The following ORC5 variants were observed in gnomAD, a reference collection of about 807,000 sequenced individuals.
ORC5 encodes the protein protein phosphatase 1, regulatory subunit 117.
ORC5 carries 39 observed loss-of-function variants against 58.8 expected under a neutral mutation model. The observed-to-expected ratio is 0.66, with a 90% CI of 0.51 to 0.87. ORC5 has a LOEUF of 0.87. ORC5 is among the 40% of genes least tolerant of loss of function. The pLI is 0.00. For synonymous variants in ORC5, 218 were observed against 177.6 expected, an observed-to-expected ratio of 1.23 and a Z score of -1.81; for missense variants, 493 against 506.3, an observed-to-expected ratio of 0.97 and a Z score of 0.25.
chr7:104,207,963 C>T lies in ORC5; in HGVS notation c.-59G>A, dbSNP rs892112729. The T allele has an allele frequency of 7.9e-6, 12 of 1,521,096 alleles. No individual in the cohort carries two copies. The highest frequency in any genetic ancestry group is 1.1e-5 in the Non-Finnish European group (12 of 1,097,800). The allele number at this position is 1,521,096 out of a possible 1,614,324, so 94.2% of individuals were successfully genotyped here. ...CAGCCCACAGGACCCTTGCACAAGA[C>T]GGAGCCTCTCCCGAGTCTGGCGGCC... On this transcript the variant is annotated 5_prime_UTR_variant, in exon 1 of 14. Transcript: ENST00000297431.
chr7:104,143,381 A>G (rs1798705593), intron 12 of ORC5, among the ~76,000 whole-genome samples: 1 of 152,208 alleles, frequency 6.6e-6, no homozygotes, highest in African/African-American at 2.4e-5. Context: ...ATATTTTCAG[A>G]TGCCTTACAG....
At chr7:104,131,473 T>TTCCTA (rs1372269002) in intron 13 of ORC5, among the ~76,000 whole-genome samples, 14 of 152,202 alleles carry the variant, frequency 9.2e-5, no homozygotes, top group African/African-American at 3.4e-4. Flanking sequence ...TATCTGTTCT[T>TTCCTA]TCCTATCAGC....
At chr7:104,154,826 C>G (rs2115825632) in intron 12 of ORC5, among the ~76,000 whole-genome samples, 1 of 151,888 alleles carries the variant, frequency 6.6e-6, no homozygotes, top group South Asian at 2.1e-4. Context: ...TATAAATTTA[C>G]CACATATCTA....
intron 11 of ORC5, among the ~76,000 whole-genome samples, chr7:104,163,992 T>G (rs1799066486): frequency 6.6e-6 from 1 of 152,230 alleles, no homozygotes; most frequent in South Asian, 2.1e-4. Flanking sequence ...GTTTTAACTT[T>G]TTCTCTCATT....
intron 3 of ORC5, among the ~76,000 whole-genome samples, chr7:104,198,907 C>G (rs1427874607): frequency 6.6e-6 from 1 of 152,208 alleles, no homozygotes; most frequent in Non-Finnish European, 1.5e-5. Context: ...GTCCTGCATC[C>G]CCACTCATGG....
chr7:104,166,104 T>C (rs769774418), intron 10 of ORC5, among the ~76,000 whole-genome samples: 13 of 152,076 alleles, frequency 8.5e-5, no homozygotes, highest in Non-Finnish European at 1.8e-4. Context: ...ATATAAATTG[T>C]TGTAAGTCCA....
chr7:104,184,249 C>G, intron 6 of ORC5, 78 bp from the exon 7 acceptor site: 2 of 938,420 alleles, frequency 2.1e-6, no homozygotes, highest in Non-Finnish European at 3.2e-6. Context: ...CAAGTAAAAT[C>G]TGTATTGCAG....
intron 12 of ORC5, among the ~76,000 whole-genome samples, chr7:104,143,253 G>T (rs961729060): frequency 4.6e-5 from 7 of 151,606 alleles, no homozygotes; most frequent in African/African-American, 1.7e-4. Flanking sequence ...CTGTTAATTC[G>T]AACACTCACA....
At chr7:104,145,701 A>G (rs753206849) in intron 12 of ORC5, among the ~76,000 whole-genome samples, 31 of 152,152 alleles carry the variant, frequency 2.0e-4, no homozygotes, top group Non-Finnish European at 2.9e-4. Context: ...GAGGCGACCA[A>G]AAGAGGACTC....
At chr7:104,145,696 G>A (rs1036403941) in intron 12 of ORC5, among the ~76,000 whole-genome samples, 3 of 152,024 alleles carry the variant, frequency 2.0e-5, no homozygotes, top group Non-Finnish European at 2.9e-5. Context: ...TATAAGAGGC[G>A]ACCAAAAGAG....
At chr7:104,175,682 CTCTG>C (rs1407536206) in intron 8 of ORC5, among the ~76,000 whole-genome samples, 7 of 152,174 alleles carry the variant, frequency 4.6e-5, no homozygotes, top group African/African-American at 1.4e-4. Flanking sequence ...TATAACATTT[CTCTG>C]TCTGGCATAA....
intron 8 of ORC5, among the ~76,000 whole-genome samples, chr7:104,180,359 GTTT>G (rs956478117): frequency 1.3e-5 from 2 of 152,042 alleles, no homozygotes; most frequent in Non-Finnish European, 2.9e-5. Flanking sequence ...TTTCTTACTA[GTTT>G]TTTATTTTTT....
intron 12 of ORC5, among the ~76,000 whole-genome samples, chr7:104,152,346 G>T (rs556947927): frequency 6.6e-6 from 1 of 152,154 alleles, no homozygotes; most frequent in African/African-American, 2.4e-5. Flanking sequence ...GTCTCACTAT[G>T]TTGCCCAGGC....
chr7:104,127,490 G>C lies in ORC5; in HGVS notation c.1263-597C>G, dbSNP rs973115897. Reference sequence around the variant, plus strand: ...CAGGCAGAATAAAATAGCAGAGAGAGAGACATATAATTATTCTCCTTTCAC... The same window carrying C: ...CAGGCAGAATAAAATAGCAGAGAGACAGACATATAATTATTCTCCTTTCAC... On this transcript the variant is annotated intron_variant, in intron 13 of 13. Transcript: ENST00000297431. 2.6e-5 allele frequency among the ~76,000 whole-genome samples: 4 copies of C among 152,166 alleles called. No individual in the cohort carries two copies. In the East Asian group the frequency reaches 5.8e-4, roughly 22 times the overall value.
At chr7:104,185,682 T>A (rs1799528758) in intron 6 of ORC5, among the ~76,000 whole-genome samples, 1 of 152,088 alleles carries the variant, frequency 6.6e-6, no homozygotes, top group African/African-American at 2.4e-5. Flanking sequence ...GTTTGAGGAG[T>A]ACTAATTAAC....
chr7:104,207,880 G>A lies in ORC5; in HGVS notation c.25C>T (p.Leu9Phe), dbSNP rs1027501919. 2 of 1,614,166 alleles carry A rather than the reference G, an allele frequency of 1.2e-6. No homozygotes were observed. The highest frequency in any genetic ancestry group is 1.7e-6 in the Non-Finnish European group (2 of 1,180,020). Residue 9 changes from leucine (L) to phenylalanine (F), a missense_variant, in exon 1 of 14, where the codon CTT (leucine) becomes TTT (phenylalanine). By Grantham distance (22) the Leu-to-Phe change is conservative. Transcript: ENST00000297431. MPHLENVV[L>F]CRESQVSILQ... Reference sequence around the variant, plus strand: ...ATGGACACTTGAGACTCGCGACAAAGCACCACGTTTTCCAAGTGGGGCATT... The same window carrying A: ...ATGGACACTTGAGACTCGCGACAAAACACCACGTTTTCCAAGTGGGGCATT...
chr7:104,139,629 T>C (rs1484234594), intron 12 of ORC5, among the ~76,000 whole-genome samples: 1 of 152,102 alleles, frequency 6.6e-6, no homozygotes, highest in Non-Finnish European at 1.5e-5. Context: ...TTTATATTAA[T>C]ACATCAAAAT....
At chr7:104,152,719 C>T (rs1205798275) in intron 12 of ORC5, among the ~76,000 whole-genome samples, 1 of 152,022 alleles carries the variant, frequency 6.6e-6, no homozygotes, top group Non-Finnish European at 1.5e-5. Context: ...TAATATATTT[C>T]CCCCAAAAAT....
In ORC5 at chr7:104,204,145, TA is replaced by T; in HGVS notation, c.161del (p.Leu54Ter). 6.6e-7 allele frequency: 1 copy of T among 1,525,236 alleles called. No individual in the cohort carries two copies. The highest frequency in any genetic ancestry group is 9.0e-7 in the Non-Finnish European group (1 of 1,111,198). The allele number at this position is 1,525,236 out of a possible 1,614,324, so 94.5% of individuals were successfully genotyped here. A position where few individuals can be genotyped will look rare whatever the true frequency, so the allele number is the denominator to read the frequency against. On this transcript the variant is annotated frameshift_variant, in exon 2 of 14. Coordinates refer to ENST00000297431, the MANE Select transcript of ORC5 (RefSeq NM_002553.4). LOFTEE classifies it high-confidence loss of function. ...TATTTAATATTTTTATTCTTACCTC[TA>T]AAGTTTTCAACAACGTTTGTGTTAC... ...TYVTQTLLKT[L>X]ELPHVFVNCV...
Sources: allele counts gnomAD v4.1 joint callset (sites outside exome capture counted in the v4.1 genomes callset), GRCh38; gene constraint gnomAD v4.1.1; transcripts MANE v1.5; gene names NCBI Gene and HGNC (gene_info 2026-07-23, HGNC 2026-07-21).